The following CRYL1 variants were observed in gnomAD, a reference collection of about 807,000 sequenced individuals.
CRYL1 encodes the protein crystallin lambda 1, also known as lambda-crystallin homolog.
CRYL1 carries 29 observed loss-of-function variants against 36.6 expected under a neutral mutation model. That is an observed-to-expected ratio of 0.79 (90% CI 0.59 to 1.08). The LOEUF (loss-of-function observed/expected upper bound fraction) is 1.08, where lower values mean the gene tolerates loss of function less well. Among genes scored for constraint, CRYL1 ranks in the 50% least tolerant of loss-of-function variants. The probability of loss-of-function intolerance (pLI) is 0.00; values close to 1 mark genes in which losing one functional copy is unlikely to be tolerated. For missense variants in CRYL1, 411 were observed against 407.9 expected (o/e 1.01, Z -0.06); for synonymous variants, 152 against 151.5 (o/e 1.00, Z -0.02).
rs752984178 is a variant in CRYL1 at position 20,481,714 on chromosome 13, C to T, written c.276+7656G>A. On this transcript the variant is annotated intron_variant, in intron 3 of 7. Transcript: ENST00000298248. This position sits in a 1 kb window ranked among gnomAD's most constrained non-coding sequence, Gnocchi z 4.1. The stretch of plus-strand genomic sequence containing the variant: ...TCACCTGAGGTCAGGAGTTCAAGAC[C>T]AGCCTGGCCAACATGATGAAACCCC... 6.6e-6 allele frequency among the ~76,000 whole-genome samples: 1 copy of T among 152,034 alleles called. No homozygotes were observed. The highest frequency in any genetic ancestry group is 2.4e-5 in the African/African-American group (1 of 41,406).
chr13:20,512,373 A>G, intron 2 of CRYL1, 70 bp downstream of exon 2: 1 of 1,074,466 alleles, frequency 9.3e-7, no homozygotes. Flanking sequence ...CCTTGAGGAT[A>G]TGACAAACAA....
intron 3 of CRYL1, among the ~76,000 whole-genome samples, chr13:20,461,593 G>A (rs1039311722): frequency 1.3e-5 from 2 of 152,054 alleles, no homozygotes; most frequent in African/African-American, 2.4e-5. Context: ...AGGCAGCCAC[G>A]GTCTCACCTC....
chr13:20,524,237 T>C lies in CRYL1; in HGVS notation c.41+1517A>G, dbSNP rs139100353. On this transcript the variant is annotated intron_variant, in intron 1 of 7. Coordinates refer to ENST00000298248, the MANE Select transcript of CRYL1 (RefSeq NM_015974.3). ...GACCCTATCCTATTAAAATTGTGTG[T>C]GTGTGCGCGTGCGCGCACGCATGCG... Among the ~76,000 whole-genome samples the C allele has an allele frequency of 1.5e-3, 224 of 152,354 alleles. 1 individual carries two copies. Among genetic ancestry groups the C allele is most frequent in the Admixed American group, 0.012 (187 of 15,308 alleles).
At chr13:20,439,514 C>CAAAAAAA (rs56087130) in intron 4 of CRYL1, 79 bp downstream of exon 4, 16 of 331,830 alleles carry the variant, frequency 4.8e-5, no homozygotes, top group Admixed American at 2.2e-4. Flanking sequence ...CCCTCCCCCG[C>CAAAAAAA]AAAAAAAAAA....
chr13:20,414,206 T>C (rs1487823692), intron 5 of CRYL1, among the ~76,000 whole-genome samples: 2 of 150,494 alleles, frequency 1.3e-5, no homozygotes, highest in Non-Finnish European at 3.0e-5. Context: ...ATTAAAAAAA[T>C]ACACACACAC....
chr13:20,414,825 G>A (rs1177342337), intron 5 of CRYL1, among the ~76,000 whole-genome samples: 1 of 152,218 alleles, frequency 6.6e-6, no homozygotes, highest in East Asian at 1.9e-4. Flanking sequence ...GGTCCCTCCC[G>A]TCAGAGGATG....
chr13:20,508,866 AAAAAAAAAAC>A (rs1246465925), intron 2 of CRYL1, among the ~76,000 whole-genome samples: 344 of 32,336 alleles, frequency 0.011, 60 homozygotes, highest in Middle Eastern at 0.037. Flanking sequence ...AAAAAAAAAA[AAAAAAAAAAC>A]AAAAAAAAAA....
chr13:20,473,469 C>T (rs777518068), intron 3 of CRYL1, among the ~76,000 whole-genome samples: 4 of 152,262 alleles, frequency 2.6e-5, no homozygotes, highest in East Asian at 1.9e-4. Flanking sequence ...AACTGGCCTT[C>T]AGCTAGAAGA....
At chr13:20,440,073 A>T (rs917034715) in intron 3 of CRYL1, among the ~76,000 whole-genome samples, 12 of 152,236 alleles carry the variant, frequency 7.9e-5, no homozygotes, top group African/African-American at 2.7e-4. Context: ...CTCTGAAGAC[A>T]CAGGGAAGAA....
chr13:20,475,090 A>C (rs1468217072), intron 3 of CRYL1, among the ~76,000 whole-genome samples: 1 of 152,210 alleles, frequency 6.6e-6, no homozygotes, highest in Non-Finnish European at 1.5e-5. Flanking sequence ...GTGGCGAGTC[A>C]GAAGTCAGCC....
At chr13:20,487,830 C>A (rs9552202) in intron 3 of CRYL1, among the ~76,000 whole-genome samples, 48,144 of 151,522 alleles carry the variant, frequency 0.32, 8,464 homozygotes, top group African/African-American at 0.48. Flanking sequence ...TGCAGTTTAC[C>A]GTGGCTCACG....
At chr13:20,412,526 T>C (rs529974715) in intron 6 of CRYL1, among the ~76,000 whole-genome samples, 47 of 152,330 alleles carry the variant, frequency 3.1e-4, no homozygotes, top group Non-Finnish European at 2.8e-4. Flanking sequence ...CTAGGTTACA[T>C]CTCTCTCCAG....
rs2031909114 is a variant in CRYL1 at position 20,425,312 on chromosome 13, C to G, written c.633+6790G>C. 6.6e-6 allele frequency among the ~76,000 whole-genome samples: 1 copy of G among 152,236 alleles called. No homozygotes were observed. On this transcript the variant is annotated intron_variant, in intron 5 of 7. Coordinates refer to ENST00000298248, the MANE Select transcript of CRYL1 (RefSeq NM_015974.3). The surrounding 1 kb of genome is among the most constrained non-coding windows in gnomAD (Gnocchi z 4.4). ...TGTGAAACGATGATGGAGCCCAGTTCTGCTCCTCCTTGGAGTGCCCGCTTT... is the reference window on the plus strand; with the variant it reads ...TGTGAAACGATGATGGAGCCCAGTTGTGCTCCTCCTTGGAGTGCCCGCTTT...
At chr13:20,498,187 A>G (rs1413476448) in intron 2 of CRYL1, among the ~76,000 whole-genome samples, 1 of 150,786 alleles carries the variant, frequency 6.6e-6, no homozygotes, top group Non-Finnish European at 1.5e-5. Context: ...TATACACACT[A>G]TACACACGCC....
intron 5 of CRYL1, chr13:20,430,759 C>T: frequency 2.0e-6 from 2 of 985,334 alleles, no homozygotes; most frequent in African/African-American, 3.5e-5. Flanking sequence ...GCTGAGATTG[C>T]CTGTAAAACC....
At chr13:20,404,870 A>G in intron 6 of CRYL1, 129 bp from the exon 7 acceptor site, 1 of 679,912 alleles carries the variant, frequency 1.5e-6, no homozygotes, top group East Asian at 2.6e-5. Context: ...CTCCCTGTGA[A>G]GACAAGACAG....
chr13:20,458,504 G>A (rs1041903848), intron 3 of CRYL1, among the ~76,000 whole-genome samples: 1 of 152,042 alleles, frequency 6.6e-6, no homozygotes, highest in Admixed American at 6.6e-5. Flanking sequence ...TCTAGTGGCC[G>A]CATTAAAAAA....
At chr13:20,483,088 A>C (rs1015944426) in intron 3 of CRYL1, among the ~76,000 whole-genome samples, 1 of 152,188 alleles carries the variant, frequency 6.6e-6, no homozygotes, top group Non-Finnish European at 1.5e-5. Context: ...TAATGAGTAC[A>C]AAATACAGTT....
chr13:20,461,049 C>G (rs757165664), intron 3 of CRYL1, among the ~76,000 whole-genome samples: 34 of 151,794 alleles, frequency 2.2e-4, no homozygotes, highest in Non-Finnish European at 4.7e-4. Flanking sequence ...CTTCCACAGC[C>G]AGCTGTAGTT....
Sources: gnomAD v4.1 joint callset for allele counts (sites outside exome capture counted in the v4.1 genomes callset) on GRCh38, gnomAD v4.1.1 for gene constraint, Gnocchi (gnomAD v3.1) non-coding constraint, MANE v1.5 for transcripts, NCBI Gene and HGNC (gene_info 2026-07-23, HGNC 2026-07-21) for gene names.